The following RYK variants were observed in gnomAD, a reference collection of about 807,000 sequenced individuals.
RYK encodes inactive tyrosine-protein kinase RYK.
In RYK, 21 loss-of-function variants were observed where a neutral mutation model predicts 70.2. That is an observed-to-expected ratio of 0.30 (90% CI 0.21 to 0.43). RYK has a LOEUF of 0.43. RYK is among the 20% of genes least tolerant of loss of function. RYK has a pLI of 1.00. For synonymous variants in RYK, 267 were observed against 278.0 expected, an observed-to-expected ratio of 0.96 and a Z score of 0.39; for missense variants, 604 against 753.3, an observed-to-expected ratio of 0.80 and a Z score of 2.32.
At chr3:134,204,043 A>T (rs1012441805) in intron 5 of RYK, among the ~76,000 whole-genome samples, 4 of 148,492 alleles carry the variant, frequency 2.7e-5, no homozygotes, top group African/African-American at 9.7e-5. Context: ...TTTTGTTGCC[A>T]GGGACCACTG....
chr3:134,205,890 C>T (rs544644402), intron 5 of RYK, among the ~76,000 whole-genome samples: 28 of 152,218 alleles, frequency 1.8e-4, no homozygotes, highest in Admixed American at 1.6e-3. Flanking sequence ...TCAGTCATAC[C>T]GCCTAACACA....
At chr3:134,172,805 T>A (rs1206391961) in intron 13 of RYK, among the ~76,000 whole-genome samples, 2 of 152,222 alleles carry the variant, frequency 1.3e-5, no homozygotes, top group African/African-American at 4.8e-5. Flanking sequence ...AGACCAGGAC[T>A]AGTACCCCAC....
In RYK at chr3:134,183,079, T is replaced by A; in HGVS notation, c.1103-8A>T. The stretch of plus-strand genomic sequence containing the variant: ...GAATTTCAGAAGCTTGATCTATATA[T>A]AAAGAAAAGAAAATGTCTTGAATAA... On this transcript the variant is annotated splice_region_variant and splice_polypyrimidine_tract_variant and intron_variant, in intron 9 of 14. Transcript: ENST00000623711. 1 of 1,537,520 alleles carries A rather than the reference T, an allele frequency of 6.5e-7. No homozygotes were observed. The highest frequency in any genetic ancestry group is 8.8e-7 in the Non-Finnish European group (1 of 1,132,466).
chr3:134,214,842 GATCT>G (rs2014503572), intron 2 of RYK, among the ~76,000 whole-genome samples: 1 of 152,116 alleles, frequency 6.6e-6, no homozygotes, highest in African/African-American at 2.4e-5. Context: ...CACCCCGGCA[GATCT>G]ATTAGAGCAT....
chr3:134,191,341 T>C (rs950573667), intron 8 of RYK, among the ~76,000 whole-genome samples: 2 of 152,182 alleles, frequency 1.3e-5, no homozygotes, highest in Non-Finnish European at 2.9e-5. Context: ...TCTTTATAAC[T>C]AGTCTAAGAG....
chr3:134,231,701 A>G (rs2015062287), intron 1 of RYK, among the ~76,000 whole-genome samples: 2 of 152,120 alleles, frequency 1.3e-5, no homozygotes, highest in African/African-American at 4.8e-5. Context: ...GTGGAGCCCA[A>G]AGGGCCCATT....
In RYK at chr3:134,175,571, TC is replaced by T. The variant is rs763450766; in HGVS notation, c.1575+37del. 2.7e-5 allele frequency: 42 copies of T among 1,581,704 alleles called. No homozygotes were observed. In the East Asian group the frequency reaches 9.0e-4, roughly 34 times the overall value. ...GAACATTTAAAAACAGAAAGCTGTT[TC>T]TCTATTCTTTTGCTATCTGGGGGTC... is the stretch of plus-strand genomic sequence containing the variant. On this transcript the variant is annotated intron_variant, in intron 13 of 14. Transcript: ENST00000623711.
intron 7 of RYK, among the ~76,000 whole-genome samples, chr3:134,193,327 G>C (rs950130836): frequency 3.3e-5 from 5 of 152,098 alleles, no homozygotes; most frequent in Non-Finnish European, 7.4e-5. Context: ...GGGACTACAG[G>C]CGCGAGCCAC....
intron 4 of RYK, among the ~76,000 whole-genome samples, chr3:134,208,896 G>A (rs965661396): frequency 3.9e-5 from 6 of 152,036 alleles, no homozygotes; most frequent in Non-Finnish European, 8.8e-5. Flanking sequence ...TAAGCACTGA[G>A]GGTTTGCGAG....
chr3:134,202,119 G>C (rs577650614), intron 6 of RYK, among the ~76,000 whole-genome samples: 17 of 151,958 alleles, frequency 1.1e-4, no homozygotes, highest in Non-Finnish European at 2.1e-4. Flanking sequence ...CTTTCTTTCT[G>C]TTCCCAGCAC....
At chr3:134,242,027 C>T (rs973650566) in intron 1 of RYK, among the ~76,000 whole-genome samples, 1 of 152,104 alleles carries the variant, frequency 6.6e-6, no homozygotes, top group Admixed American at 6.6e-5. Context: ...TGAGGCCGGG[C>T]AAGGTGGCTC....
chr3:134,243,543 C>A (rs1412041031), intron 1 of RYK, among the ~76,000 whole-genome samples: 5 of 152,200 alleles, frequency 3.3e-5, no homozygotes, highest in Admixed American at 6.5e-5. Context: ...CCTCAGCCTA[C>A]CTTCCAGCTT....
intron 6 of RYK, among the ~76,000 whole-genome samples, chr3:134,197,645 A>G (rs2013857266): frequency 6.6e-6 from 1 of 152,218 alleles, no homozygotes; most frequent in Admixed American, 6.5e-5. Flanking sequence ...CAAAGCTGTT[A>G]GAAGTCCAGA....
intron 13 of RYK, among the ~76,000 whole-genome samples, chr3:134,168,514 C>A (rs984503817): frequency 6.6e-6 from 1 of 151,668 alleles, no homozygotes; most frequent in Non-Finnish European, 1.5e-5. Context: ...AGCAAACTAT[C>A]GCAAGGACAA....
At chr3:134,208,924 T>G (rs556619345) in intron 4 of RYK, among the ~76,000 whole-genome samples, 16 of 151,282 alleles carry the variant, frequency 1.1e-4, no homozygotes, top group African/African-American at 3.7e-4. Flanking sequence ...TAAAGTATAT[T>G]TCCCCCCCCC....
At chr3:134,174,684 T>C (rs1427522880) in intron 13 of RYK, among the ~76,000 whole-genome samples, 1 of 152,138 alleles carries the variant, frequency 6.6e-6, no homozygotes, top group African/African-American at 2.4e-5. Flanking sequence ...ACACTTAGTC[T>C]TCCAAATAAG....
chr3:134,193,989 G>A (rs2013733302), intron 7 of RYK, among the ~76,000 whole-genome samples: 1 of 152,202 alleles, frequency 6.6e-6, no homozygotes, highest in Admixed American at 6.5e-5. Flanking sequence ...GTAATGCTGA[G>A]TTCATCAGTG....
chr3:134,198,795 C>T (rs552142481), intron 6 of RYK, among the ~76,000 whole-genome samples: 1 of 152,210 alleles, frequency 6.6e-6, no homozygotes, highest in African/African-American at 2.4e-5. Context: ...GGTTATTCAA[C>T]CAAATAGTTA....
intron 13 of RYK, among the ~76,000 whole-genome samples, chr3:134,163,798 T>C (rs1204053679): frequency 1.3e-5 from 2 of 152,200 alleles, no homozygotes; most frequent in Non-Finnish European, 2.9e-5. Context: ...TGGCTAGGCC[T>C]TTCTGTTCAT....
Sources: gnomAD v4.1 joint callset for allele counts (sites outside exome capture counted in the v4.1 genomes callset) on GRCh38, gnomAD v4.1.1 for gene constraint, MANE v1.5 for transcripts, NCBI Gene and HGNC (gene_info 2026-07-23, HGNC 2026-07-21) for gene names.